Variants in MAP3K3 observed in about 807,000 individuals in gnomAD.
MAP3K3 encodes the protein mitogen-activated protein kinase kinase kinase 3, also known as MAP/ERK kinase kinase 3.
Under a neutral mutation model 80.9 loss-of-function variants are expected in MAP3K3, and 12 were observed. That is an observed-to-expected ratio of 0.15 (90% CI 0.10 to 0.24). MAP3K3 has a LOEUF of 0.24. Ranked by LOEUF, MAP3K3 falls within the 10% of genes least tolerant of loss-of-function variation. The pLI, the probability that MAP3K3 is intolerant of heterozygous loss-of-function variation, is 1.00. For missense variants in MAP3K3, 596 were observed against 834.7 expected (o/e 0.71, Z 3.52); for synonymous variants, 272 against 307.1 (o/e 0.89, Z 1.19).
intron 2 of MAP3K3, among the ~76,000 whole-genome samples, chr17:63,645,256 T>C (rs1456238757): frequency 6.6e-6 from 1 of 152,140 alleles, no homozygotes; most frequent in Non-Finnish European, 1.5e-5. Flanking sequence ...TGAGCCGATA[T>C]TGTGCTACTG....
At position 63,691,251 on chromosome 17, in the gene MAP3K3, G is replaced by A. The variant is rs1373522493; in HGVS notation, c.1344+18G>A. ...TGCCAGGGGTACGTGCCCCTTGAAT[G>A]CATGTGAGACACACACAAAAGAGGG... is the stretch of plus-strand genomic sequence containing the variant. On this transcript the variant is annotated intron_variant, in intron 13 of 15. Coordinates refer to ENST00000361733, the MANE Select transcript of MAP3K3 (RefSeq NM_002401.5). The surrounding 1 kb of genome is among the most constrained non-coding windows in gnomAD (Gnocchi z 4.8). The A allele has an allele frequency of 6.2e-7, 1 of 1,613,928 alleles. No homozygotes were observed. The highest frequency in any genetic ancestry group is 8.5e-7 in the Non-Finnish European group (1 of 1,179,996).
chr17:63,672,816 A>C (rs923059714), intron 6 of MAP3K3: 2 of 152,254 alleles, frequency 1.3e-5, no homozygotes, highest in African/African-American at 4.8e-5. Context: ...CAAGGGTAAG[A>C]GACAGAAACC....
In MAP3K3 at chr17:63,646,031, C is replaced by T. The variant is rs2034534536; in HGVS notation, c.127-3C>T. 1 of 1,613,472 alleles carries T rather than the reference C, an allele frequency of 6.2e-7. No homozygotes were observed. Among genetic ancestry groups the T allele is most frequent in the Non-Finnish European group, 8.5e-7 (1 of 1,179,446 alleles). On this transcript the variant is annotated splice_region_variant and splice_polypyrimidine_tract_variant and intron_variant, in intron 2 of 15. Transcript: ENST00000361733. ...CTAACCTGTCTATCATTCTTTTTGG[C>T]AGAGTGACGTCAGAATCAAGTTCGA...
chr17:63,682,832 G>A (rs1429754030), intron 7 of MAP3K3: 5 of 152,170 alleles, frequency 3.3e-5, no homozygotes, highest in Non-Finnish European at 7.3e-5. Context: ...ATAGTCTATT[G>A]GCTAGACTCA....
At position 63,671,054 on chromosome 17, in the gene MAP3K3, A is replaced by G. The variant is rs543568176; in HGVS notation, c.502+3994A>G. On this transcript the variant is annotated intron_variant, in intron 6 of 15. Coordinates refer to ENST00000361733, the MANE Select transcript of MAP3K3 (RefSeq NM_002401.5). ...AGGGGGCAAGAATGCATGCAAGGGA[A>G]CTGCATTAGGCTAATGCAGTGGTCC... Among the ~76,000 whole-genome samples the G allele has an allele frequency of 3.9e-5, 6 of 152,228 alleles. No individual in the cohort carries two copies. The East Asian group carries it at 1.2e-3, about 29-fold the overall frequency.
chr17:63,689,641 T>C lies in MAP3K3; in HGVS notation c.969T>C (p.Gly323=). The C allele has an allele frequency of 9.9e-6, 16 of 1,613,958 alleles. No homozygotes were observed. Among genetic ancestry groups the C allele is most frequent in the African/African-American group, 1.3e-5 (1 of 75,010 alleles). ...RSLSTNGENM[G]LAVQYLDPRG... ...TGAGCACAAATGGCGAGAACATGGG[T>C]CTGGCTGTGCAATACCTGGACCCCC... Residue 323 remains glycine, a synonymous_variant, in exon 11 of 16, where the codon GGT becomes GGC. Coordinates refer to ENST00000361733, the MANE Select transcript of MAP3K3 (RefSeq NM_002401.5). The surrounding 1 kb of genome is among the most constrained non-coding windows in gnomAD (Gnocchi z 4.3).
chr17:63,664,623 T>C (rs906404625), intron 5 of MAP3K3, among the ~76,000 whole-genome samples: 5 of 152,360 alleles, frequency 3.3e-5, no homozygotes, highest in Admixed American at 2.6e-4. Context: ...GGTTTCCTGG[T>C]AATTTTTCAT....
At chr17:63,687,593 G>T (rs1034090015) in intron 8 of MAP3K3, among the ~76,000 whole-genome samples, 3 of 152,102 alleles carry the variant, frequency 2.0e-5, no homozygotes, top group Admixed American at 2.0e-4. Context: ...GGGAGGCTGA[G>T]GCAGGAGAAT....
chr17:63,630,751 C>G (rs1028990892), intron 1 of MAP3K3, among the ~76,000 whole-genome samples: 1 of 152,106 alleles, frequency 6.6e-6, no homozygotes, highest in African/African-American at 2.4e-5. Context: ...ATTCATTATC[C>G]CCTTTACTGC....
At chr17:63,638,005 C>G (rs568957337) in intron 2 of MAP3K3, among the ~76,000 whole-genome samples, 19 of 152,202 alleles carry the variant, frequency 1.2e-4, no homozygotes, top group Non-Finnish European at 1.8e-4. Flanking sequence ...ATTGAGCAGA[C>G]TGTCTTTTGC....
chr17:63,671,657 C>T (rs897476854), intron 6 of MAP3K3, among the ~76,000 whole-genome samples: 6 of 152,082 alleles, frequency 3.9e-5, no homozygotes, highest in Non-Finnish European at 7.4e-5. Context: ...ATGTCATCAC[C>T]GTAATGGCTT....
intron 8 of MAP3K3, among the ~76,000 whole-genome samples, chr17:63,686,186 A>G (rs2035445726): frequency 6.6e-6 from 1 of 152,142 alleles, no homozygotes; most frequent in Non-Finnish European, 1.5e-5. Context: ...TATGCCCAAG[A>G]ACACTTTTGA....
chr17:63,688,749 T>G (rs1367499008), intron 9 of MAP3K3, 40 bp from the exon 10 acceptor site: 1 of 1,503,370 alleles, frequency 6.7e-7, no homozygotes, highest in Non-Finnish European at 9.3e-7. Flanking sequence ...TGGCTCACAT[T>G]GACCTACCCA....
At position 63,692,360 on chromosome 17, in the gene MAP3K3, C is replaced by A. The variant is rs1420985332; in HGVS notation, c.1593C>A (p.Pro531=). ...GTGMRSVTGT[P]YWMSPEVISG... is the part of the protein sequence containing the mutation. ...GCATGCGCTCCGTCACTGGCACACCCTACTGGATGAGCCCTGAGGTGATCA... is the reference window on the plus strand; with the variant it reads ...GCATGCGCTCCGTCACTGGCACACCATACTGGATGAGCCCTGAGGTGATCA... The change falls in exon 15 of 16, where the codon CCC becomes CCA. Residue 531 remains proline, a synonymous_variant. Transcript: ENST00000361733. The surrounding 1 kb of genome is among the most constrained non-coding windows in gnomAD (Gnocchi z 4.5). The A allele has an allele frequency of 6.2e-7, 1 of 1,613,920 alleles. No individual in the cohort carries two copies. The highest frequency in any genetic ancestry group is 1.3e-5 in the African/African-American group (1 of 75,030).
rs2035677834 is a variant in MAP3K3, at chr17:63,695,675, T to TC, written c.*1902dup. 1 of 152,594 alleles carries TC rather than the reference T, an allele frequency of 6.6e-6. No homozygotes were observed. The allele number at this position is 152,594 out of a possible 1,614,324, so 9.5% of individuals were successfully genotyped here. A position where few individuals can be genotyped will look rare whatever the true frequency, so the allele number is the denominator to read the frequency against. ...CCGCACCCCCATCCCCAGTCCCTGT[T>TC]CCCCAAGAGGATACAGAGCACGGTG... On this transcript the variant is annotated 3_prime_UTR_variant, in exon 16 of 16. Coordinates refer to ENST00000361733, the MANE Select transcript of MAP3K3 (RefSeq NM_002401.5). This position sits in a 1 kb window ranked among gnomAD's most constrained non-coding sequence, Gnocchi z 4.1.
intron 4 of MAP3K3, among the ~76,000 whole-genome samples, chr17:63,653,602 A>G (rs2034703161): frequency 6.6e-6 from 1 of 152,176 alleles, no homozygotes; most frequent in South Asian, 2.1e-4. Context: ...AACATACTCT[A>G]CTAATGTTAA....
intron 2 of MAP3K3, among the ~76,000 whole-genome samples, chr17:63,645,534 G>C (rs1465097466): frequency 6.6e-6 from 1 of 152,180 alleles, no homozygotes; most frequent in Non-Finnish European, 1.5e-5. Context: ...CTTACATTTA[G>C]TTGTTGTAAG....
In MAP3K3 at chr17:63,685,848, A is replaced by G. The variant is rs9912201; in HGVS notation, c.710+258A>G. 0.23 allele frequency among the ~76,000 whole-genome samples: 35,391 copies of G among 152,228 alleles called. 4,312 individuals are homozygous for G. Among genetic ancestry groups the G allele is most frequent in the Middle Eastern group, 0.33 (98 of 294 alleles). ...AGTGCTTTACATGTTTTGACTTTCC[A>G]TATAATATATGCCGCTCTCGTACTT... is the stretch of plus-strand genomic sequence containing the variant. On this transcript the variant is annotated intron_variant, in intron 8 of 15. Transcript: ENST00000361733.
chr17:63,664,201 C>T (rs1014790078), intron 5 of MAP3K3, among the ~76,000 whole-genome samples: 3 of 137,200 alleles, frequency 2.2e-5, no homozygotes, highest in African/African-American at 8.6e-5. Flanking sequence ...GAGCCGAGAT[C>T]GCGCCACTGC....
Sources: gnomAD v4.1 joint callset for allele counts (sites outside exome capture counted in the v4.1 genomes callset) on GRCh38, gnomAD v4.1.1 for gene constraint, Gnocchi (gnomAD v3.1) non-coding constraint, MANE v1.5 for transcripts, NCBI Gene and HGNC (gene_info 2026-07-23, HGNC 2026-07-21) for gene names.